The following PPP2R3B variants were observed in gnomAD, a reference collection of about 807,000 sequenced individuals.
The protein encoded by PPP2R3B is serine/threonine-protein phosphatase 2A regulatory subunit B'' subunit beta.
Under a neutral mutation model 72.9 loss-of-function variants are expected in PPP2R3B, and 68 were observed. The ratio of observed to expected loss-of-function variants is 0.93; its 90% confidence interval spans 0.77 to 1.14. The LOEUF (loss-of-function observed/expected upper bound fraction) is 1.14. Ranked by LOEUF, PPP2R3B falls within the 50% of genes most tolerant of loss-of-function variation. The pLI is 0.00. For missense variants in PPP2R3B, 1,018 were observed against 842.0 expected (o/e 1.21, Z -2.59); for synonymous variants, 466 against 375.8 (o/e 1.24, Z -2.78).
At chrX:349,177 G>A (rs754173545) in intron 2 of PPP2R3B, among the ~76,000 whole-genome samples, 1 of 152,228 alleles carries the variant, frequency 6.6e-6, no homozygotes, top group African/African-American at 2.4e-5. Flanking sequence ...GTGTTGGGAG[G>A]TGGGGCCTCA....
intron 1 of PPP2R3B, among the ~76,000 whole-genome samples, chrX:381,593 C>CT (rs950950107): frequency 0.1 from 9,747 of 95,078 alleles, 968 homozygotes; most frequent in African/African-American, 0.14. Context: ...ACAAGCTCAT[C>CT]TTTTTTTTTT....
At chrX:341,596 G>C in intron 8 of PPP2R3B, 200 bp from the exon 9 acceptor site, 1 of 663,640 alleles carries the variant, frequency 1.5e-6, no homozygotes, top group Non-Finnish European at 2.6e-6. Flanking sequence ...GATCCAGGCA[G>C]GGTCAGGAGT....
At position 381,593 on chromosome X, in the gene PPP2R3B, CTTTTTTTTTTT is replaced by C. The variant is rs950950107; in HGVS notation, c.324+4764_324+4774del. ...ATGGGATGGACAGGAACAAGCTCATCTTTTTTTTTTTTTTTTTTTTTTTGAGACAGAGTCTT... is the reference window on the plus strand; with the variant it reads ...ATGGGATGGACAGGAACAAGCTCATCTTTTTTTTTTTTGAGACAGAGTCTT... On this transcript the variant is annotated intron_variant, in intron 1 of 12. Coordinates refer to ENST00000390665, the MANE Select transcript of PPP2R3B (RefSeq NM_013239.5). 8.4e-5 allele frequency among the ~76,000 whole-genome samples: 8 copies of C among 95,064 alleles called. No individual in the cohort carries two copies. In the South Asian group the frequency reaches 1.8e-3, roughly 21 times the overall value. The allele number at this position is 95,064 out of a possible 152,430, so 62.4% of individuals were successfully genotyped here. A position where few individuals can be genotyped will look rare whatever the true frequency, so the allele number is the denominator to read the frequency against.
At chrX:342,269 C>A (rs2071097343) in intron 7 of PPP2R3B, 1 of 478,742 alleles carries the variant, frequency 2.1e-6, no homozygotes, top group South Asian at 2.2e-5. Context: ...AAACACGTTT[C>A]AACCAAAGGT....
chrX:366,983 G>A lies in PPP2R3B; in HGVS notation c.325-5393C>T, dbSNP rs187025102. ...GCGGAGGGTGCGGTGAGCTGAGGTC[G>A]CACCACTGTCCTCCAGCCTGGGTGA... On this transcript the variant is annotated intron_variant, in intron 1 of 12. Transcript: ENST00000390665. Among the ~76,000 whole-genome samples, 802 of 151,532 alleles carry A rather than the reference G, an allele frequency of 5.3e-3. 19 individuals carry two copies. Among genetic ancestry groups the A allele is most frequent in the African/African-American group, 0.018 (729 of 40,908 alleles).
intron 1 of PPP2R3B, among the ~76,000 whole-genome samples, chrX:376,205 A>C (rs767997473): frequency 0.018 from 2,735 of 152,100 alleles, 41 homozygotes; most frequent in South Asian, 0.027. Context: ...AAGGAAAAAA[A>C]AAAAAAAAAG....
At position 334,471 on chromosome X, in the gene PPP2R3B, G is replaced by A. The variant is rs143186087; in HGVS notation, c.1624C>T (p.Arg542Cys). 8.8e-4 allele frequency: 1,394 copies of A among 1,590,944 alleles called. 5 individuals carry two copies. In the African/African-American group the frequency reaches 0.013, roughly 15 times the overall value. The change falls in exon 13 of 13, where the codon CGC (arginine) becomes TGC (cysteine). Residue 542 changes from arginine to cysteine, a missense_variant. Arg to Cys is a radical substitution (Grantham distance 180, BLOSUM62 -3). Coordinates refer to ENST00000390665, the MANE Select transcript of PPP2R3B (RefSeq NM_013239.5). ...SPVEQKLSAL[R>C]SPLAQRPFFE... ...AAGGGCCTCTGGGCCAGCGGGGAGC[G>A]CAGCGCACTCAGCTTCTGCTCCACA... is the stretch of plus-strand genomic sequence containing the variant.
intron 2 of PPP2R3B, among the ~76,000 whole-genome samples, chrX:358,972 G>A (rs1412605860): frequency 6.6e-6 from 1 of 151,688 alleles, no homozygotes; most frequent in East Asian, 1.9e-4. Flanking sequence ...GCGCCCTGGC[G>A]GGGAAGCACC....
At position 351,168 on chromosome X, in the gene PPP2R3B, G is replaced by A. The variant is rs753488105; in HGVS notation, c.511-3475C>T. Among the ~76,000 whole-genome samples the A allele has an allele frequency of 1.1e-4, 16 of 152,290 alleles. No homozygotes were observed. The East Asian group carries it at 1.5e-3, about 15-fold the overall frequency. Reference sequence around the variant, plus strand: ...CGGGCCCCGCAGGACGCACAGGCACGTGCCGGCTCCCGTGATGAGGATCCT... The same window carrying A: ...CGGGCCCCGCAGGACGCACAGGCACATGCCGGCTCCCGTGATGAGGATCCT... On this transcript the variant is annotated intron_variant, in intron 2 of 12. Transcript: ENST00000390665.
chrX:362,982 C>T (rs2071573910), intron 1 of PPP2R3B, among the ~76,000 whole-genome samples: 2 of 152,060 alleles, frequency 1.3e-5, no homozygotes, highest in Non-Finnish European at 2.9e-5. Context: ...AGCGCCTCAA[C>T]TGTGCCCACC....
intron 7 of PPP2R3B, chrX:344,957 G>C (rs2071164958): frequency 2.8e-6 from 1 of 352,750 alleles, no homozygotes; most frequent in Non-Finnish European, 5.6e-6. Context: ...GAATCCTTTA[G>C]AAAACTCAAG....
chrX:336,183 A>C (rs1330034562), intron 12 of PPP2R3B: 3 of 152,008 alleles, frequency 2.0e-5, no homozygotes, highest in East Asian at 1.9e-4. Flanking sequence ...AAATAATAAA[A>C]TACTACAGAT....
rs2071389532 is a variant in PPP2R3B, at chrX:354,077, C to A, written c.511-6384G>T. On this transcript the variant is annotated intron_variant, in intron 2 of 12. Coordinates refer to ENST00000390665, the MANE Select transcript of PPP2R3B (RefSeq NM_013239.5). ...CAAAGACCGGGGCTCGCCCAAAGACCGGGGCTCACCCAGGGACCAGGGGCT... is the reference window on the plus strand; with the variant it reads ...CAAAGACCGGGGCTCGCCCAAAGACAGGGGCTCACCCAGGGACCAGGGGCT... 8.2e-5 allele frequency among the ~76,000 whole-genome samples: 11 copies of A among 134,440 alleles called. 2 individuals are homozygous for A. Among genetic ancestry groups the A allele is most frequent in the African/African-American group, 2.9e-4 (8 of 27,738 alleles). The allele number at this position is 134,440 out of a possible 152,430, so 88.2% of individuals were successfully genotyped here. A position where few individuals can be genotyped will look rare whatever the true frequency, so the allele number is the denominator to read the frequency against.
rs1569405963 is a variant in PPP2R3B, at chrX:364,585, GAGGGTGCCTGTACTCC to G, written c.325-3011_325-2996del. Reference sequence around the variant, plus strand: ...TAAAAAAAATTAGCCGGGTGTGGTGGAGGGTGCCTGTACTCCCAGCTACTCGGGAGGCTGAGGCAGG... The same window carrying G: ...TAAAAAAAATTAGCCGGGTGTGGTGGCAGCTACTCGGGAGGCTGAGGCAGG... On this transcript the variant is annotated intron_variant, in intron 1 of 12. Coordinates refer to ENST00000390665, the MANE Select transcript of PPP2R3B (RefSeq NM_013239.5). Among the ~76,000 whole-genome samples, 85 of 146,802 alleles carry G rather than the reference GAGGGTGCCTGTACTCC, an allele frequency of 5.8e-4. 22 individuals carry two copies. Among genetic ancestry groups the G allele is most frequent in the African/African-American group, 1.6e-3 (62 of 39,788 alleles).
intron 1 of PPP2R3B, among the ~76,000 whole-genome samples, chrX:383,136 C>T (rs1391651351): frequency 6.6e-6 from 1 of 152,198 alleles, no homozygotes; most frequent in Non-Finnish European, 1.5e-5. Flanking sequence ...CTGCCTCTAG[C>T]TCTAGTTCAC....
At chrX:358,984 C>T (rs1341690472) in intron 2 of PPP2R3B, among the ~76,000 whole-genome samples, 1 of 145,588 alleles carries the variant, frequency 6.9e-6, no homozygotes, top group Non-Finnish European at 1.5e-5. Flanking sequence ...GGAAGCACCG[C>T]GGCCGGGGAG....
intron 3 of PPP2R3B, 82 bp downstream of exon 3, chrX:347,506 CAG>C (rs2071246581): frequency 6.9e-7 from 1 of 1,452,330 alleles, no homozygotes; most frequent in South Asian, 1.2e-5. Context: ...GCGGCAGCCT[CAG>C]GGGGCACCCG....
At chrX:360,983 C>T (rs1238983913) in intron 2 of PPP2R3B, among the ~76,000 whole-genome samples, 1 of 152,192 alleles carries the variant, frequency 6.6e-6, no homozygotes, top group Non-Finnish European at 1.5e-5. Context: ...GACGGGTCCA[C>T]AGCTGCCCAG....
At chrX:353,363 G>C (rs2071368780) in intron 2 of PPP2R3B, among the ~76,000 whole-genome samples, 2 of 150,672 alleles carry the variant, frequency 1.3e-5, no homozygotes, top group Admixed American at 6.6e-5. Flanking sequence ...GACAGAGCAA[G>C]ACTCTGTCTC....
Sources: allele counts gnomAD v4.1 joint callset (sites outside exome capture counted in the v4.1 genomes callset), GRCh38; gene constraint gnomAD v4.1.1; transcripts MANE v1.5; gene names NCBI Gene and HGNC (gene_info 2026-07-23, HGNC 2026-07-21).